NAP1L4: variants seen among roughly 807,000 people sequenced by gnomAD.
NAP1L4 encodes the protein nucleosome assembly protein 1-like 4.
A neutral mutation model predicts 58.2 loss-of-function variants in NAP1L4; 15 were observed. The ratio of observed to expected loss-of-function variants is 0.26; its 90% CI spans 0.17 to 0.40. The LOEUF is 0.40. Ranked by LOEUF, NAP1L4 falls within the 10% of genes least tolerant of loss-of-function variation. The pLI, the probability that NAP1L4 is intolerant of heterozygous loss-of-function variation, is 1.00. For synonymous variants in NAP1L4, 171 were observed against 155.6 expected (o/e 1.10, Z -0.74); for missense variants, 384 against 451.1 (o/e 0.85, Z 1.35).
chr11:2,962,560 G>A (rs951877788), intron 8 of NAP1L4, among the ~76,000 whole-genome samples: 1 of 152,172 alleles, frequency 6.6e-6, no homozygotes, highest in African/African-American at 2.4e-5. Flanking sequence ...AAGAGTATGG[G>A]GAAATTCACT....
In NAP1L4 at chr11:2,949,594, G is replaced by A. The variant is rs1346112601; in HGVS notation, c.1123-330C>T. On this transcript the variant is annotated intron_variant, in intron 14 of 15. Transcript: ENST00000380542. The surrounding 1 kb of genome is among the most constrained non-coding windows in gnomAD (Gnocchi z 4.0). The stretch of plus-strand genomic sequence containing the variant: ...TTATCCTGGCCACACATGCCGGGCC[G>A]TCTCTGAACTTCATTCACACCATTA... Among the ~76,000 whole-genome samples, 2 of 152,182 alleles carry A rather than the reference G, an allele frequency of 1.3e-5. No homozygotes were observed. The highest frequency in any genetic ancestry group is 2.9e-5 in the Non-Finnish European group (2 of 68,028).
intron 1 of NAP1L4, among the ~76,000 whole-genome samples, chr11:2,980,197 TATC>T (rs1180473381): frequency 1.3e-5 from 2 of 152,298 alleles, no homozygotes; most frequent in South Asian, 4.1e-4. Context: ...AAAAAAAAGT[TATC>T]ATTTTTTTTG....
At chr11:2,990,446 T>C (rs1848893138) in intron 1 of NAP1L4, 1 of 152,258 alleles carries the variant, frequency 6.6e-6, no homozygotes, top group South Asian at 2.1e-4. Context: ...ATTTGCATAT[T>C]ATTTATTCCA....
chr11:2,983,735 T>G (rs1456583451), intron 1 of NAP1L4: 1 of 152,100 alleles, frequency 6.6e-6, no homozygotes, highest in Non-Finnish European at 1.5e-5. Context: ...CAGCCTGGTT[T>G]CAAATCCTAC....
intron 15 of NAP1L4, 55 bp from the exon 16 acceptor site, chr11:2,945,701 T>G: frequency 7.1e-7 from 1 of 1,413,118 alleles, no homozygotes; most frequent in East Asian, 2.5e-5. Context: ...CATTCACCAA[T>G]TAGCTCCAAT....
chr11:2,958,620 C>A, intron 9 of NAP1L4, 76 bp from the exon 10 acceptor site: 1 of 1,463,084 alleles, frequency 6.8e-7, no homozygotes, highest in Non-Finnish European at 9.3e-7. Flanking sequence ...AGGAAGCAAA[C>A]CACAGCTCTA....
intron 1 of NAP1L4, among the ~76,000 whole-genome samples, chr11:2,983,388 G>A (rs147602313): frequency 2.3e-3 from 347 of 152,182 alleles, no homozygotes; most frequent in African/African-American, 7.9e-3. Flanking sequence ...GTCTCACTCT[G>A]TTACCCAGGC....
Position 2,959,936 on chromosome 11 carries a change from C to A in NAP1L4, c.607-27G>T. ...TAAAAGTAGAAATTCAGAGTAAGCA[C>A]CAGTTAAAATAGAAAAATAACGAGG... On this transcript the variant is annotated intron_variant, in intron 8 of 15. Transcript: ENST00000380542. This position sits in a 1 kb window ranked among gnomAD's most constrained non-coding sequence, Gnocchi z 4.9. 6.2e-7 allele frequency: 1 copy of A among 1,611,364 alleles called. No homozygotes were observed. Among genetic ancestry groups the A allele is most frequent in the Non-Finnish European group, 8.5e-7 (1 of 1,178,366 alleles).
chr11:2,951,670 T>A lies in NAP1L4; in HGVS notation c.1065+110A>T. On this transcript the variant is annotated intron_variant, in intron 13 of 15. Coordinates refer to ENST00000380542, the MANE Select transcript of NAP1L4 (RefSeq NM_005969.4). This position sits in a 1 kb window ranked among gnomAD's most constrained non-coding sequence, Gnocchi z 4.0. ...AACATTCTTAGAATCAAAGACAGCG[T>A]CACAAAAAATGGGTTTAACACAGCC... The A allele has an allele frequency of 9.7e-7, 1 of 1,029,796 alleles. No homozygotes were observed. Among genetic ancestry groups the A allele is most frequent in the East Asian group, 2.4e-5 (1 of 41,840 alleles). 63.8% of individuals were successfully genotyped at this position (1,029,796 alleles called of 1,614,324 possible). A position where few individuals can be genotyped will look rare whatever the true frequency, so the allele number is the denominator to read the frequency against.
chr11:2,960,592 C>T (rs918983050), intron 8 of NAP1L4, among the ~76,000 whole-genome samples: 3 of 152,172 alleles, frequency 2.0e-5, no homozygotes, highest in Non-Finnish European at 4.4e-5. Flanking sequence ...AGATGCCTTT[C>T]TTTGGGGCAA....
In NAP1L4 at chr11:2,946,916, A is replaced by T. The variant is rs1845968605; in HGVS notation, c.*33-1270T>A. Among the ~76,000 whole-genome samples, 1 of 152,218 alleles carries T rather than the reference A, an allele frequency of 6.6e-6. No homozygotes were observed. On this transcript the variant is annotated intron_variant, in intron 15 of 15. Coordinates refer to ENST00000380542, the MANE Select transcript of NAP1L4 (RefSeq NM_005969.4). The surrounding 1 kb of genome is among the most constrained non-coding windows in gnomAD (Gnocchi z 4.8). ...GTGGGGGATGCAGGGCGCCCCGAGC[A>T]GGAGCAGTGAGGGGAGGAGTGGGAC...
chr11:2,986,440 G>A (rs888669879), intron 1 of NAP1L4, among the ~76,000 whole-genome samples: 4 of 151,676 alleles, frequency 2.6e-5, no homozygotes, highest in Non-Finnish European at 5.9e-5. Context: ...AAGCTAGAGA[G>A]TGTAGTCGTA....
At position 2,949,169 on chromosome 11, in the gene NAP1L4, T is replaced by G; in HGVS notation, c.*32+58A>C. On this transcript the variant is annotated intron_variant, in intron 15 of 15. Coordinates refer to ENST00000380542, the MANE Select transcript of NAP1L4 (RefSeq NM_005969.4). This position sits in a 1 kb window ranked among gnomAD's most constrained non-coding sequence, Gnocchi z 4.0. Reference sequence around the variant, plus strand: ...CTTTATTCAAAGTCAAAACAATGCATTGTATAAAGTATAGATCAGAAGTTT... The same window carrying G: ...CTTTATTCAAAGTCAAAACAATGCAGTGTATAAAGTATAGATCAGAAGTTT... The G allele has an allele frequency of 7.5e-7, 1 of 1,340,522 alleles. No individual in the cohort carries two copies. The highest frequency in any genetic ancestry group is 1.1e-6 in the Non-Finnish European group (1 of 942,060). 83.0% of individuals were successfully genotyped at this position (1,340,522 alleles called of 1,614,324 possible).
chr11:2,974,479 T>C (rs1179529312), intron 4 of NAP1L4, among the ~76,000 whole-genome samples: 1 of 152,172 alleles, frequency 6.6e-6, no homozygotes, highest in Non-Finnish European at 1.5e-5. Context: ...ATTCTCATTC[T>C]TGCCACTCCC....
chr11:2,984,658 C>T (rs1324277435), intron 1 of NAP1L4, among the ~76,000 whole-genome samples: 1 of 152,198 alleles, frequency 6.6e-6, no homozygotes, highest in Non-Finnish European at 1.5e-5. Context: ...CCAATTCAGG[C>T]CCTGTCTACT....
intron 3 of NAP1L4, 31 bp from the exon 4 acceptor site, chr11:2,976,154 A>C (rs769843827): frequency 8.3e-6 from 13 of 1,558,504 alleles, no homozygotes; most frequent in Non-Finnish European, 1.1e-5. Flanking sequence ...ACATATTTAA[A>C]ATATGCCCAC....
intron 7 of NAP1L4, among the ~76,000 whole-genome samples, chr11:2,965,344 A>G (rs1847203991): frequency 6.6e-6 from 1 of 152,256 alleles, no homozygotes; most frequent in Non-Finnish European, 1.5e-5. Flanking sequence ...TATTGCTCCT[A>G]CGCTGCAAAC....
At chr11:2,973,935 T>A (rs1225293501) in intron 4 of NAP1L4, among the ~76,000 whole-genome samples, 1 of 152,050 alleles carries the variant, frequency 6.6e-6, no homozygotes, top group African/African-American at 2.4e-5. Context: ...GCCCAGCTAA[T>A]TTTTTTGCAT....
chr11:2,987,427 G>A (rs1197523822), intron 1 of NAP1L4, among the ~76,000 whole-genome samples: 3 of 151,340 alleles, frequency 2.0e-5, no homozygotes, highest in East Asian at 2.0e-4. Flanking sequence ...GATTACAGGC[G>A]TGAGCCACCA....
Sources: gnomAD v4.1 joint callset for allele counts (sites outside exome capture counted in the v4.1 genomes callset) on GRCh38, gnomAD v4.1.1 for gene constraint, Gnocchi (gnomAD v3.1) non-coding constraint, MANE v1.5 for transcripts, NCBI Gene and HGNC (gene_info 2026-07-23, HGNC 2026-07-21) for gene names.